Variants in CNKSR3 observed in about 807,000 individuals in gnomAD.
The protein encoded by CNKSR3 is connector enhancer of kinase suppressor of ras 3.
CNKSR3 carries 36 observed loss-of-function variants against 67.7 expected under a neutral mutation model. That is an observed-to-expected ratio of 0.53 (90% confidence interval 0.41 to 0.70). The LOEUF (loss-of-function observed/expected upper bound fraction) is 0.70. Among genes scored for constraint, CNKSR3 ranks in the 30% least tolerant of loss-of-function variants. CNKSR3 has a pLI of 0.00. For synonymous variants in CNKSR3, 281 were observed against 271.4 expected, an observed-to-expected ratio of 1.04 and a Z score of -0.35; for missense variants, 630 against 695.2, an observed-to-expected ratio of 0.91 and a Z score of 1.05.
intron 9 of CNKSR3, among the ~76,000 whole-genome samples, chr6:154,415,290 G>A (rs1303182048): frequency 7.2e-6 from 1 of 138,950 alleles, no homozygotes; most frequent in African/African-American, 2.8e-5. Context: ...GAGCACAGTG[G>A]CGCCATCTTG....
chr6:154,502,120 G>A (rs1787010175), intron 1 of CNKSR3, among the ~76,000 whole-genome samples: 1 of 151,826 alleles, frequency 6.6e-6, no homozygotes, highest in Non-Finnish European at 1.5e-5. Flanking sequence ...TTATGCAAGG[G>A]GCTTTCCCTG....
chr6:154,463,448 G>A (rs887435487), intron 1 of CNKSR3, among the ~76,000 whole-genome samples: 1 of 152,054 alleles, frequency 6.6e-6, no homozygotes, highest in Non-Finnish European at 1.5e-5. Context: ...GGTATTCACC[G>A]TGGGAAATGA....
At chr6:154,496,877 C>T (rs1350999039) in intron 1 of CNKSR3, among the ~76,000 whole-genome samples, 1 of 152,138 alleles carries the variant, frequency 6.6e-6, no homozygotes, top group Non-Finnish European at 1.5e-5. Flanking sequence ...CCAAACTTAC[C>T]CACCTAAGTG....
At chr6:154,420,702 A>G (rs1271044489) in intron 9 of CNKSR3, among the ~76,000 whole-genome samples, 1 of 150,188 alleles carries the variant, frequency 6.7e-6, no homozygotes, top group East Asian at 1.9e-4. Context: ...AAAAAAAAAA[A>G]AAAAAAAAAA....
intron 11 of CNKSR3, 102 bp downstream of exon 11, chr6:154,410,832 T>G (rs1426591442): frequency 1.2e-6 from 1 of 862,992 alleles, no homozygotes; most frequent in African/African-American, 1.7e-5. Flanking sequence ...CTCAGATTAC[T>G]CTTGAAGTCT....
intron 9 of CNKSR3, 124 bp from the exon 10 acceptor site, chr6:154,414,547 A>T: frequency 1.0e-6 from 1 of 966,720 alleles, no homozygotes; most frequent in Admixed American, 1.9e-5. Flanking sequence ...GAGGTCATTC[A>T]TGTGTTTACA....
intron 7 of CNKSR3, among the ~76,000 whole-genome samples, chr6:154,426,948 A>G (rs1222092129): frequency 6.6e-6 from 1 of 152,292 alleles, no homozygotes; most frequent in East Asian, 1.9e-4. Context: ...ATCAAGGATG[A>G]AGGAAGAATC....
chr6:154,488,214 C>T (rs906845654), intron 1 of CNKSR3, among the ~76,000 whole-genome samples: 1 of 152,092 alleles, frequency 6.6e-6, no homozygotes, highest in African/African-American at 2.4e-5. Flanking sequence ...AACCTTAACC[C>T]ACAAAATTGG....
chr6:154,413,779 G>A (rs1278247354), intron 10 of CNKSR3, among the ~76,000 whole-genome samples: 3 of 151,752 alleles, frequency 2.0e-5, no homozygotes, highest in Non-Finnish European at 4.4e-5. Context: ...ACAGGGTCTC[G>A]CTCTGTCACC....
rs146094179 is a variant in CNKSR3 at position 154,471,304 on chromosome 6, G to A, written c.53-21046C>T. ...CCATGAATGCACACTTTGGGAGGCT[G>A]AGGCAGGCAGATCGCTTGAGGTCAA... On this transcript the variant is annotated intron_variant, in intron 1 of 12. Coordinates refer to ENST00000607772, the MANE Select transcript of CNKSR3 (RefSeq NM_173515.4). Among the ~76,000 whole-genome samples the A allele has an allele frequency of 4.9e-3, 743 of 152,280 alleles. 9 individuals are homozygous for A. Among genetic ancestry groups the A allele is most frequent in the African/African-American group, 0.017 (710 of 41,566 alleles).
At position 154,398,869 on chromosome 6, in the gene CNKSR3, G is replaced by A. The variant is rs533858414; in HGVS notation, c.*7485C>T. On this transcript the variant is annotated 3_prime_UTR_variant, in exon 13 of 13. Coordinates refer to ENST00000607772, the MANE Select transcript of CNKSR3 (RefSeq NM_173515.4). ...GGCTGAGGTGAGCGGATCACCTGAG[G>A]TCGGGAGTTCGAGACCAGCCTGACC... is the stretch of plus-strand genomic sequence containing the variant. 6.6e-6 allele frequency: 1 copy of A among 152,352 alleles called. No homozygotes were observed. The highest frequency in any genetic ancestry group is 1.5e-5 in the Non-Finnish European group (1 of 68,098). The allele number at this position is 152,352 out of a possible 1,614,324, so 9.4% of individuals were successfully genotyped here.
In CNKSR3 at chr6:154,446,561, T is replaced by C. The variant is rs566113904; in HGVS notation, c.216+3534A>G. 3.3e-5 allele frequency among the ~76,000 whole-genome samples: 5 copies of C among 152,318 alleles called. No homozygotes were observed. In the South Asian group the frequency reaches 1.0e-3, roughly 32 times the overall value. ...TAAATGATTTGCCTTGGGTGAATAATAAACAACAAATAATCTCAGAGGTAT... is the reference window on the plus strand; with the variant it reads ...TAAATGATTTGCCTTGGGTGAATAACAAACAACAAATAATCTCAGAGGTAT... On this transcript the variant is annotated intron_variant, in intron 2 of 12. Coordinates refer to ENST00000607772, the MANE Select transcript of CNKSR3 (RefSeq NM_173515.4).
At chr6:154,423,987 C>A (rs575532260) in intron 7 of CNKSR3, among the ~76,000 whole-genome samples, 2 of 152,140 alleles carry the variant, frequency 1.3e-5, no homozygotes, top group Admixed American at 1.3e-4. Context: ...AATCCCAGCA[C>A]TTTGGGAGGC....
rs991221938 is a variant in CNKSR3, at chr6:154,404,969, T to C, written c.*1385A>G. The C allele has an allele frequency of 1.3e-5, 2 of 152,232 alleles. No individual in the cohort carries two copies. Among genetic ancestry groups the C allele is most frequent in the African/African-American group, 4.8e-5 (2 of 41,460 alleles). The allele number at this position is 152,232 out of a possible 1,614,324, so 9.4% of individuals were successfully genotyped here. On this transcript the variant is annotated 3_prime_UTR_variant, in exon 13 of 13. Coordinates refer to ENST00000607772, the MANE Select transcript of CNKSR3 (RefSeq NM_173515.4). ...TGTTTCCTAACTCCAGTGATTTTCATGGGCTGAATTCCAGGCAGTTCAGCA... is the reference window on the plus strand; with the variant it reads ...TGTTTCCTAACTCCAGTGATTTTCACGGGCTGAATTCCAGGCAGTTCAGCA...
intron 1 of CNKSR3, among the ~76,000 whole-genome samples, chr6:154,490,029 A>C (rs1786755711): frequency 6.8e-6 from 1 of 147,794 alleles, no homozygotes; most frequent in East Asian, 2.0e-4. Context: ...TTCCTCTCCC[A>C]CTCCCTGTCA....
intron 4 of CNKSR3, chr6:154,434,054 ACATT>A (rs1448624692): frequency 1.3e-5 from 2 of 152,268 alleles, no homozygotes; most frequent in Admixed American, 6.5e-5. Context: ...GTTCAACAAA[ACATT>A]CATTAACACA....
chr6:154,431,551 C>T (rs1223305949), intron 5 of CNKSR3, among the ~76,000 whole-genome samples: 2 of 151,240 alleles, frequency 1.3e-5, no homozygotes, highest in African/African-American at 4.9e-5. Flanking sequence ...TTGTGGTGTA[C>T]ATTCTATGAG....
At chr6:154,410,552 C>A in intron 11 of CNKSR3, 120 bp from the exon 12 acceptor site, 1 of 645,174 alleles carries the variant, frequency 1.5e-6, no homozygotes, top group Non-Finnish European at 2.7e-6. Flanking sequence ...GAAGCAATAA[C>A]AAATTTTAAA....
At chr6:154,444,702 T>C (rs1036416766) in intron 2 of CNKSR3, among the ~76,000 whole-genome samples, 1 of 150,934 alleles carries the variant, frequency 6.6e-6, no homozygotes, top group Non-Finnish European at 1.5e-5. Flanking sequence ...GACTCCCTGG[T>C]TCAAGCAATT....
Sources: gnomAD v4.1 joint callset for allele counts (sites outside exome capture counted in the v4.1 genomes callset) on GRCh38, gnomAD v4.1.1 for gene constraint, MANE v1.5 for transcripts, NCBI Gene and HGNC (gene_info 2026-07-23, HGNC 2026-07-21) for gene names.